The following CPED1 variants were observed in gnomAD, a reference collection of about 807,000 sequenced individuals.
The protein encoded by CPED1 is cadherin like and PC-esterase domain containing 1.
CPED1 carries 114 observed loss-of-function variants against 128.2 expected under a neutral mutation model. The ratio of observed to expected loss-of-function variants is 0.89; its 90% confidence interval spans 0.76 to 1.04. The LOEUF (loss-of-function observed/expected upper bound fraction) is 1.04. Among genes scored for constraint, CPED1 ranks in the 50% least tolerant of loss-of-function variants. The pLI is 0.00. For missense variants in CPED1, 1,211 were observed against 1,207.1 expected, an observed-to-expected ratio of 1.00 and a Z score of -0.05; for synonymous variants, 462 against 426.7, an observed-to-expected ratio of 1.08 and a Z score of -1.02.
At chr7:121,051,530 G>A (rs898943523) in intron 4 of CPED1, 5 of 424,352 alleles carry the variant, frequency 1.2e-5, no homozygotes, top group Admixed American at 3.4e-5. Context: ...ATAAAACAAA[G>A]CATATTAAAT....
intron 18 of CPED1, among the ~76,000 whole-genome samples, chr7:121,255,853 G>GGT (rs1200967523): frequency 1.3e-5 from 2 of 151,810 alleles, no homozygotes; most frequent in Non-Finnish European, 2.9e-5. Flanking sequence ...AGATAAGCAA[G>GGT]GTGGTGAAAG....
rs143024357 is a variant in CPED1 at position 121,102,305 on chromosome 7, T to A, written c.918+2211T>A. Among the ~76,000 whole-genome samples the A allele has an allele frequency of 4.6e-5, 7 of 152,276 alleles. No individual in the cohort carries two copies. In the East Asian group the frequency reaches 1.4e-3, roughly 29 times the overall value. On this transcript the variant is annotated intron_variant, in intron 7 of 22. Coordinates refer to ENST00000310396, the MANE Select transcript of CPED1 (RefSeq NM_024913.5). ...TTGAAGTAGCTGTATTTTTTGTGCA[T>A]TCTCTATTTTGTCCTTTGAGCTTAA...
rs755196551 is a variant in CPED1 at position 121,125,812 on chromosome 7, C to T, written c.1062-8C>T. The T allele has an allele frequency of 1.9e-6, 3 of 1,605,374 alleles. No homozygotes were observed. The highest frequency in any genetic ancestry group is 1.3e-5 in the African/African-American group (1 of 74,854). On this transcript the variant is annotated splice_polypyrimidine_tract_variant and splice_region_variant and intron_variant, in intron 8 of 22. Transcript: ENST00000310396. ...TTACTTTTATGGTACCTTGTGTTTT[C>T]ATTTTAGATGCAGATTCTGCTTTCA...
At chr7:121,230,636 T>G (rs1798113677) in intron 16 of CPED1, among the ~76,000 whole-genome samples, 1 of 151,976 alleles carries the variant, frequency 6.6e-6, no homozygotes, top group African/African-American at 2.4e-5. Context: ...TTCCATAATT[T>G]AAGATAGTTG....
rs368502123 is a variant in CPED1, at chr7:121,063,381, G to GAAAAAAAAAAAAAAA, written c.541-850_541-836dup. On this transcript the variant is annotated intron_variant, in intron 4 of 22. Coordinates refer to ENST00000310396, the MANE Select transcript of CPED1 (RefSeq NM_024913.5). ...GCTTTATTTTGCAAATGAAGAAACT[G>GAAAAAAAAAAAAAAA]AAAAAAAAAAAAAAAAAAAAAGCAA... Among the ~76,000 whole-genome samples the GAAAAAAAAAAAAAAA allele has an allele frequency of 1.1e-3, 77 of 67,026 alleles. 2 individuals carry two copies. The highest frequency in any genetic ancestry group is 1.8e-3 in the African/African-American group (29 of 16,462). The allele number at this position is 67,026 out of a possible 152,430, so 44.0% of individuals were successfully genotyped here.
intron 5 of CPED1, among the ~76,000 whole-genome samples, chr7:121,084,079 T>C (rs767947101): frequency 4.7e-4 from 71 of 152,188 alleles, no homozygotes; most frequent in Non-Finnish European, 1.0e-3. Flanking sequence ...GAACTTGGAT[T>C]CTAAAATCAT....
At chr7:121,008,601 TTTTGGATTAA>T (rs144273930) in intron 2 of CPED1, among the ~76,000 whole-genome samples, 18 of 150,930 alleles carry the variant, frequency 1.2e-4, no homozygotes, top group African/African-American at 2.2e-4. Flanking sequence ...GGATTAATCA[TTTTGGATTAA>T]TTTGGATTAA....
chr7:121,216,591 G>A (rs571914043), intron 16 of CPED1, among the ~76,000 whole-genome samples: 10 of 152,030 alleles, frequency 6.6e-5, no homozygotes, highest in African/African-American at 2.4e-4. Context: ...AGAGGTGGGA[G>A]TCTATATAGA....
chr7:121,184,554 A>T (rs1796962601), intron 16 of CPED1, among the ~76,000 whole-genome samples: 1 of 152,172 alleles, frequency 6.6e-6, no homozygotes, highest in Admixed American at 6.6e-5. Context: ...TATTTCCTAC[A>T]GAAAACTAGT....
chr7:121,060,553 A>G (rs1379991403), intron 4 of CPED1, among the ~76,000 whole-genome samples: 1 of 152,210 alleles, frequency 6.6e-6, no homozygotes, highest in Non-Finnish European at 1.5e-5. Context: ...TCCACTCTGT[A>G]TCTAGCTATT....
intron 5 of CPED1, among the ~76,000 whole-genome samples, chr7:121,081,604 G>C (rs1276741843): frequency 6.6e-6 from 1 of 152,084 alleles, no homozygotes; most frequent in African/African-American, 2.4e-5. Context: ...TCCCAGTGTT[G>C]ATACTCATTT....
intron 18 of CPED1, among the ~76,000 whole-genome samples, chr7:121,249,756 A>C (rs1471847219): frequency 6.6e-6 from 1 of 152,176 alleles, no homozygotes; most frequent in Non-Finnish European, 1.5e-5. Context: ...GGATCAATTC[A>C]ACAAGAAGAA....
At chr7:121,233,432 C>G (rs1378829078) in intron 16 of CPED1, among the ~76,000 whole-genome samples, 1 of 151,950 alleles carries the variant, frequency 6.6e-6, no homozygotes, top group East Asian at 1.9e-4. Context: ...GCCTACAGTC[C>G]CAGCTACTTG....
chr7:121,117,445 A>G (rs974245275), intron 7 of CPED1, among the ~76,000 whole-genome samples: 2 of 152,112 alleles, frequency 1.3e-5, no homozygotes, highest in African/African-American at 2.4e-5. Context: ...AAAAAATTAT[A>G]TCACTACTTA....
intron 22 of CPED1, among the ~76,000 whole-genome samples, chr7:121,284,316 C>T (rs10276127): frequency 0.35 from 52,952 of 151,948 alleles, 9,352 homozygotes; most frequent in South Asian, 0.4. Flanking sequence ...AACTAAAACT[C>T]AAGATGAGAT....
chr7:121,068,417 A>G (rs1269978680), intron 5 of CPED1, among the ~76,000 whole-genome samples: 1 of 151,858 alleles, frequency 6.6e-6, no homozygotes, highest in East Asian at 1.9e-4. Flanking sequence ...CAAAGATCAG[A>G]TAGTTGTAGA....
intron 7 of CPED1, among the ~76,000 whole-genome samples, chr7:121,118,908 A>G (rs966287430): frequency 2.6e-5 from 4 of 152,184 alleles, no homozygotes; most frequent in African/African-American, 9.7e-5. Flanking sequence ...CCAAGCCACG[A>G]GGGATCCGCC....
chr7:121,117,882 G>C lies in CPED1; in HGVS notation c.919-6449G>C, dbSNP rs146862214. 6.7e-3 allele frequency among the ~76,000 whole-genome samples: 1,009 copies of C among 150,532 alleles called. 10 individuals are homozygous for C. The highest frequency in any genetic ancestry group is 0.023 in the African/African-American group (936 of 40,874). ...AGAAAGACCAGCTTTTGCTAGCTCTGATATTATAATGATGGTTACTCAAAG... is the reference window on the plus strand; with the variant it reads ...AGAAAGACCAGCTTTTGCTAGCTCTCATATTATAATGATGGTTACTCAAAG... On this transcript the variant is annotated intron_variant, in intron 7 of 22. Coordinates refer to ENST00000310396, the MANE Select transcript of CPED1 (RefSeq NM_024913.5).
At chr7:121,170,669 A>T (rs1294517049) in intron 16 of CPED1, among the ~76,000 whole-genome samples, 1 of 152,180 alleles carries the variant, frequency 6.6e-6, no homozygotes, top group Non-Finnish European at 1.5e-5. Flanking sequence ...AATAGATTAT[A>T]CAAATAATAA....
Sources: allele counts gnomAD v4.1 joint callset (sites outside exome capture counted in the v4.1 genomes callset), GRCh38; gene constraint gnomAD v4.1.1; transcripts MANE v1.5; gene names NCBI Gene and HGNC (gene_info 2026-07-23, HGNC 2026-07-21).